The following NRG1 variants were observed in gnomAD, a reference collection of about 807,000 sequenced individuals.
NRG1 encodes pro-neuregulin-1, membrane-bound isoform.
NRG1 carries 18 observed loss-of-function variants against 63.8 expected under a neutral mutation model. The observed-to-expected ratio is 0.28, with a 90% CI of 0.19 to 0.42. NRG1 has a LOEUF of 0.42. Among genes scored for constraint, NRG1 ranks in the 10% least tolerant of loss-of-function variants. NRG1 has a pLI of 1.00. For synonymous variants in NRG1, 302 were observed against 301.3 expected (o/e 1.00, Z -0.02); for missense variants, 762 against 814.7 (o/e 0.94, Z 0.79).
chr8:32,627,003 G>A (rs1849423233), intron 5 of NRG1, among the ~76,000 whole-genome samples: 1 of 151,688 alleles, frequency 6.6e-6, no homozygotes, highest in Non-Finnish European at 1.5e-5. Flanking sequence ...CTGGGTGACA[G>A]AGCAACACTC....
chr8:32,114,739 T>TG (rs1832477524), intron 1 of NRG1, among the ~76,000 whole-genome samples: 1 of 152,212 alleles, frequency 6.6e-6, no homozygotes, highest in Non-Finnish European at 1.5e-5. Context: ...TGGATTTCTC[T>TG]GCTCAGTCAG....
At chr8:32,456,998 G>C (rs904234829) in intron 1 of NRG1, among the ~76,000 whole-genome samples, 2 of 152,108 alleles carry the variant, frequency 1.3e-5, no homozygotes, top group Non-Finnish European at 2.9e-5. Context: ...TGGGCGTGGT[G>C]GTGGGTGCCT....
intron 1 of NRG1, among the ~76,000 whole-genome samples, chr8:32,023,315 C>T (rs997960099): frequency 6.6e-6 from 1 of 152,088 alleles, no homozygotes; most frequent in Non-Finnish European, 1.5e-5. Context: ...TCGAAGTTTT[C>T]CTTTAAAATA....
intron 1 of NRG1, among the ~76,000 whole-genome samples, chr8:32,590,005 G>A (rs1478188851): frequency 2.6e-5 from 4 of 152,156 alleles, no homozygotes. Context: ...AATAGGAAAA[G>A]CAGAACACAA....
At chr8:31,650,781 G>T (rs947647499) in intron 1 of NRG1, among the ~76,000 whole-genome samples, 28 of 152,108 alleles carry the variant, frequency 1.8e-4, no homozygotes, top group Non-Finnish European at 3.5e-4. Flanking sequence ...TCTTGTGTTT[G>T]GATACTAGCA....
chr8:32,084,657 C>T (rs907286084), intron 1 of NRG1, among the ~76,000 whole-genome samples: 3 of 152,076 alleles, frequency 2.0e-5, no homozygotes, highest in Admixed American at 6.6e-5. Context: ...GTAAAATTTA[C>T]CATTTGTAGG....
chr8:32,714,740 A>G (rs1818729627), intron 5 of NRG1, among the ~76,000 whole-genome samples: 1 of 152,178 alleles, frequency 6.6e-6, no homozygotes, highest in Non-Finnish European at 1.5e-5. Context: ...TTTTCCAGGA[A>G]AGGAAAGCCA....
chr8:32,754,471 C>A (rs1230519077), exon 8 of NRG1: 1 of 1,613,668 alleles, frequency 6.2e-7, no homozygotes, highest in Non-Finnish European at 8.5e-7. Context: ...TACTGCAAAA[C>A]CAAGTAAACC....
intron 1 of NRG1, among the ~76,000 whole-genome samples, chr8:31,970,872 C>G (rs1044753433): frequency 6.6e-6 from 1 of 151,982 alleles, no homozygotes; most frequent in African/African-American, 2.4e-5. Context: ...TCTCCTTGGG[C>G]CTCAGGCTAA....
At chr8:31,827,791 T>G (rs1480765471) in intron 1 of NRG1, among the ~76,000 whole-genome samples, 19 of 152,350 alleles carry the variant, frequency 1.2e-4, no homozygotes, top group Non-Finnish European at 2.9e-5. Flanking sequence ...GACAGAATTG[T>G]GTGACCATTC....
intron 1 of NRG1, among the ~76,000 whole-genome samples, chr8:32,395,532 GTCT>G (rs1314139834): frequency 5.9e-5 from 9 of 151,816 alleles, no homozygotes; most frequent in African/African-American, 2.2e-4. Flanking sequence ...GCATATGTAT[GTCT>G]TCTTTGCTAA....
chr8:32,323,683 T>C (rs1002746082), intron 1 of NRG1, among the ~76,000 whole-genome samples: 34 of 152,270 alleles, frequency 2.2e-4, no homozygotes, highest in African/African-American at 8.0e-4. Context: ...TTGTTGGAAT[T>C]TGATTCATTT....
chr8:31,849,945 G>A (rs9297182), intron 1 of NRG1, among the ~76,000 whole-genome samples: 6,004 of 152,224 alleles, frequency 0.039, 422 homozygotes, highest in African/African-American at 0.14. Flanking sequence ...GTAATAAAGT[G>A]TAATGAAGAT....
intron 1 of NRG1, among the ~76,000 whole-genome samples, chr8:32,077,521 TA>T (rs1826774240): frequency 6.6e-6 from 1 of 152,360 alleles, no homozygotes; most frequent in South Asian, 2.1e-4. Flanking sequence ...GAATGAATCA[TA>T]TGATCATGGT....
intron 5 of NRG1, chr8:32,648,323 G>A (rs780564286): frequency 6.8e-6 from 11 of 1,613,846 alleles, no homozygotes; most frequent in Admixed American, 5.0e-5. Flanking sequence ...AGGTGAGAAC[G>A]CCCAAGTCAG....
chr8:31,905,338 A>G (rs1585646939), intron 1 of NRG1, among the ~76,000 whole-genome samples: 1 of 152,114 alleles, frequency 6.6e-6, no homozygotes, highest in South Asian at 2.1e-4. Flanking sequence ...TGGTCACACA[A>G]AAGACAACAA....
At chr8:32,522,401 C>T (rs1830425131) in intron 1 of NRG1, among the ~76,000 whole-genome samples, 1 of 152,162 alleles carries the variant, frequency 6.6e-6, no homozygotes, top group African/African-American at 2.4e-5. Flanking sequence ...GTTGCATGCA[C>T]AATATTTACT....
chr8:31,817,394 G>A (rs1444708188), intron 1 of NRG1, among the ~76,000 whole-genome samples: 1 of 152,142 alleles, frequency 6.6e-6, no homozygotes, highest in African/African-American at 2.4e-5. Flanking sequence ...GAAGTGCCTA[G>A]CTACACACTC....
intron 1 of NRG1, among the ~76,000 whole-genome samples, chr8:32,586,538 T>C (rs901634793): frequency 1.3e-5 from 2 of 152,204 alleles, no homozygotes; most frequent in Admixed American, 6.6e-5. Context: ...AAAAATTTAC[T>C]GTAGTGGCTA....
Sources: allele counts gnomAD v4.1 joint callset (sites outside exome capture counted in the v4.1 genomes callset), GRCh38; gene constraint gnomAD v4.1.1; transcripts MANE v1.5; gene names NCBI Gene and HGNC (gene_info 2026-07-23, HGNC 2026-07-21).